Variants in MAN1B1 observed in about 807,000 individuals in gnomAD.
MAN1B1 encodes endoplasmic reticulum mannosyl-oligosaccharide 1,2-alpha-mannosidase.
A neutral mutation model predicts 75.5 loss-of-function variants in MAN1B1; 66 were observed. The ratio of observed to expected loss-of-function variants is 0.87; its 90% confidence interval spans 0.72 to 1.07. The LOEUF is 1.07. Ranked by LOEUF, MAN1B1 falls within the 50% of genes least tolerant of loss-of-function variation. MAN1B1 has a pLI of 0.00. For missense variants in MAN1B1, 973 were observed against 912.5 expected (o/e 1.07, Z -0.85); for synonymous variants, 453 against 382.8 (o/e 1.18, Z -2.14).
At chr9:137,094,342 T>C in intron 3 of MAN1B1, 2 of 459,746 alleles carry the variant, frequency 4.4e-6, no homozygotes, top group South Asian at 1.6e-5. Context: ...TAAGACTAGG[T>C]GATCTTAGTG....
intron 10 of MAN1B1, 66 bp from the exon 11 acceptor site, chr9:137,107,184 G>A: frequency 1.3e-6 from 2 of 1,555,288 alleles, no homozygotes; most frequent in South Asian, 1.1e-5. Flanking sequence ...CACGTTGGCT[G>A]CCCGTGCAGC....
intron 4 of MAN1B1, among the ~76,000 whole-genome samples, chr9:137,097,508 G>C (rs1830683314): frequency 6.6e-6 from 1 of 152,202 alleles, no homozygotes; most frequent in African/African-American, 2.4e-5. Flanking sequence ...CTCCTGTTTG[G>C]ATGAAAGATT....
At chr9:137,088,748 C>G (rs1036083639) in intron 2 of MAN1B1, 121 bp from the exon 3 acceptor site, 1 of 1,059,452 alleles carries the variant, frequency 9.4e-7, no homozygotes, top group Non-Finnish European at 1.4e-6. Context: ...ATTTCAGTGA[C>G]TATCAGGTAT....
At chr9:137,098,451 G>A (rs1181674223) in intron 5 of MAN1B1, among the ~76,000 whole-genome samples, 1 of 152,172 alleles carries the variant, frequency 6.6e-6, no homozygotes, top group Non-Finnish European at 1.5e-5. Context: ...TCGTTTGCTT[G>A]TCTGTGGGGG....
chr9:137,100,913 C>T (rs1008695791), intron 6 of MAN1B1, 92 bp from the exon 7 acceptor site: 1 of 1,468,914 alleles, frequency 6.8e-7, no homozygotes, highest in Non-Finnish European at 9.5e-7. Flanking sequence ...AGCCACCACG[C>T]CCAGCCAAAT....
At chr9:137,101,728 A>C in intron 8 of MAN1B1, 56 bp downstream of exon 8, 2 of 1,559,188 alleles carry the variant, frequency 1.3e-6, no homozygotes, top group Non-Finnish European at 1.7e-6. Flanking sequence ...CCTTTTGCTC[A>C]TCACAGCAGG....
At chr9:137,093,474 A>G (rs1051225651) in intron 3 of MAN1B1, among the ~76,000 whole-genome samples, 2 of 152,268 alleles carry the variant, frequency 1.3e-5, no homozygotes, top group African/African-American at 4.8e-5. Context: ...ATATAAAGTC[A>G]GTATAAATAA....
intron 6 of MAN1B1, among the ~76,000 whole-genome samples, 198 bp downstream of exon 6, chr9:137,100,079 C>T (rs373016314): frequency 2.0e-5 from 3 of 152,212 alleles, no homozygotes; most frequent in African/African-American, 4.8e-5. Context: ...CACACAGGGC[C>T]GCTGTCCCCA....
intron 4 of MAN1B1, 68 bp from the exon 5 acceptor site, chr9:137,097,760 C>T (rs961877269): frequency 7.3e-6 from 9 of 1,225,076 alleles, no homozygotes; most frequent in African/African-American, 3.0e-5. Context: ...GGGTATGGAG[C>T]GTGGGGGTGG....
At chr9:137,102,990 T>G (rs1564295031) in intron 8 of MAN1B1, 11 of 370,198 alleles carry the variant, frequency 3.0e-5, no homozygotes. Context: ...AGGTCGGTGG[T>G]CTTACATTCA....
rs769627735 is a variant in MAN1B1 at position 137,106,029 on chromosome 9, T to G, written c.1255-96T>G. 9.3e-6 allele frequency: 9 copies of G among 968,152 alleles called. No homozygotes were observed. In the African/African-American group the frequency reaches 1.4e-4, roughly 15 times the overall value. The allele number at this position is 968,152 out of a possible 1,614,324, so 60.0% of individuals were successfully genotyped here. On this transcript the variant is annotated intron_variant, in intron 8 of 12. Coordinates refer to ENST00000371589, the MANE Select transcript of MAN1B1 (RefSeq NM_016219.5). Reference sequence around the variant, plus strand: ...CTCTCTGCTGGGAGTCAGTCGGTGCTGGGGCGAGGGGAGGCAGAGCTCACA... The same window carrying G: ...CTCTCTGCTGGGAGTCAGTCGGTGCGGGGGCGAGGGGAGGCAGAGCTCACA...
chr9:137,100,432 C>T (rs976227120), intron 6 of MAN1B1, among the ~76,000 whole-genome samples: 6 of 150,474 alleles, frequency 4.0e-5, no homozygotes, highest in African/African-American at 1.5e-4. Flanking sequence ...CAAATGTTGA[C>T]GACTTCAAGA....
At chr9:137,092,995 C>T (rs970086518) in intron 3 of MAN1B1, among the ~76,000 whole-genome samples, 5 of 152,080 alleles carry the variant, frequency 3.3e-5, no homozygotes, top group Admixed American at 6.6e-5. Flanking sequence ...ATATTTCATC[C>T]TTTACCAAGT....
At chr9:137,096,935 C>T (rs1352532686) in intron 4 of MAN1B1, among the ~76,000 whole-genome samples, 1 of 152,236 alleles carries the variant, frequency 6.6e-6, no homozygotes, top group African/African-American at 2.4e-5. Context: ...CCGCAGACGT[C>T]CTCTCTCTTC....
In MAN1B1 at chr9:137,104,081, C is replaced by T. The variant is rs957020730; in HGVS notation, c.1255-2044C>T. ...GTTGTGCAGCTATCACTTCCATCTCCAGAGCCCTTTTCATCTTAAAACTGA... is the reference window on the plus strand; with the variant it reads ...GTTGTGCAGCTATCACTTCCATCTCTAGAGCCCTTTTCATCTTAAAACTGA... On this transcript the variant is annotated intron_variant, in intron 8 of 12. Coordinates refer to ENST00000371589, the MANE Select transcript of MAN1B1 (RefSeq NM_016219.5). 1.1e-4 allele frequency: 48 copies of T among 457,062 alleles called. No homozygotes were observed. In the Admixed American group the frequency reaches 1.1e-3, roughly 11 times the overall value. 28.3% of individuals were successfully genotyped at this position (457,062 alleles called of 1,614,324 possible). A position where few individuals can be genotyped will look rare whatever the true frequency, so the allele number is the denominator to read the frequency against.
chr9:137,091,295 G>A (rs887933138), intron 3 of MAN1B1, among the ~76,000 whole-genome samples: 1 of 152,160 alleles, frequency 6.6e-6, no homozygotes, highest in Non-Finnish European at 1.5e-5. Flanking sequence ...TGACCCATAA[G>A]CCAGCACCTA....
intron 4 of MAN1B1, 91 bp downstream of exon 4, chr9:137,096,482 T>C (rs749954522): frequency 2.0e-6 from 3 of 1,490,540 alleles, no homozygotes; most frequent in Non-Finnish European, 2.7e-6. Flanking sequence ...CTGAGATCTA[T>C]TTTCCTTTGA....
Position 137,101,509 on chromosome 9 carries a change from C to A in MAN1B1, c.1091C>A (p.Pro364His), listed in dbSNP as rs1830810005. 6.2e-7 allele frequency: 1 copy of A among 1,613,816 alleles called. No individual in the cohort carries two copies. The highest frequency in any genetic ancestry group is 1.1e-5 in the South Asian group (1 of 91,084). The change falls in exon 8 of 13, where the codon CCT becomes CAT. Residue 364 changes from proline (P) to histidine (H), a missense_variant. Physicochemically the swap from Pro to His is moderately conservative, Grantham distance 77. Transcript: ENST00000371589. ...GAGGATTTTGGAAATCGGCTAATGC[C>A]TGCCTTCAGAACACCATCCAAGATT... ...KAEDFGNRLM[P>H]AFRTPSKIPY...
chr9:137,101,474 C>T lies in MAN1B1; in HGVS notation c.1066-10C>T, dbSNP rs758729204. ...CTGAACGTTGGTTCTCTACTCTGCT[C>T]ATATACCAGGAGGATTTTGGAAATC... On this transcript the variant is annotated splice_polypyrimidine_tract_variant and intron_variant, in intron 7 of 12. Coordinates refer to ENST00000371589, the MANE Select transcript of MAN1B1 (RefSeq NM_016219.5). 6.2e-6 allele frequency: 10 copies of T among 1,613,460 alleles called. No individual in the cohort carries two copies. The East Asian group carries it at 1.1e-4, about 18-fold the overall frequency.
Sources: gnomAD v4.1 joint callset for allele counts (sites outside exome capture counted in the v4.1 genomes callset) on GRCh38, gnomAD v4.1.1 for gene constraint, MANE v1.5 for transcripts, NCBI Gene and HGNC (gene_info 2026-07-23, HGNC 2026-07-21) for gene names.